MIPOL1: variants seen among roughly 807,000 people sequenced by gnomAD.
MIPOL1 encodes mirror-image polydactyly 1.
A neutral mutation model predicts 60.9 loss-of-function variants in MIPOL1; 57 were observed. The ratio of observed to expected loss-of-function variants is 0.94; its 90% CI spans 0.76 to 1.17. The LOEUF (loss-of-function observed/expected upper bound fraction) is 1.17. Among genes scored for constraint, MIPOL1 ranks in the 50% most tolerant of loss-of-function variants. The pLI, the probability that MIPOL1 is intolerant of heterozygous loss-of-function variation, is 0.00. For missense variants in MIPOL1, 551 were observed against 511.6 expected, an observed-to-expected ratio of 1.08 and a Z score of -0.74; for synonymous variants, 179 against 168.8, an observed-to-expected ratio of 1.06 and a Z score of -0.47.
chr14:37,197,937 A>C lies in MIPOL1; in HGVS notation c.-366A>C, dbSNP rs1313903181. The stretch of plus-strand genomic sequence containing the variant: ...CCCCTGCGGCGCGCCGCCGCCCCGT[A>C]GGCCCCACGCGCCGCCCCGCTCCTC... On this transcript the variant is annotated 5_prime_UTR_variant, in exon 1 of 13. Coordinates refer to ENST00000684589, the MANE Select transcript of MIPOL1 (RefSeq NM_001388067.1). 6.6e-6 allele frequency: 1 copy of C among 151,926 alleles called. No individual in the cohort carries two copies. Among genetic ancestry groups the C allele is most frequent in the Non-Finnish European group, 1.5e-5 (1 of 68,044 alleles). 9.4% of individuals were successfully genotyped at this position (151,926 alleles called of 1,614,324 possible). A position where few individuals can be genotyped will look rare whatever the true frequency, so the allele number is the denominator to read the frequency against.
chr14:37,314,856 G>C (rs1008811613), intron 9 of MIPOL1, among the ~76,000 whole-genome samples: 5 of 152,084 alleles, frequency 3.3e-5, no homozygotes, highest in Non-Finnish European at 5.9e-5. Flanking sequence ...GATATTTCAA[G>C]ATACATGAAA....
At chr14:37,422,411 A>ATTTAGAATT (rs1438457423) in intron 10 of MIPOL1, among the ~76,000 whole-genome samples, 7 of 151,968 alleles carry the variant, frequency 4.6e-5, no homozygotes, top group African/African-American at 1.7e-4. Context: ...TTGACAACAT[A>ATTTAGAATT]TTTAGAATTT....
intron 1 of MIPOL1, among the ~76,000 whole-genome samples, chr14:37,203,623 A>G (rs1188199060): frequency 6.6e-6 from 1 of 152,150 alleles, no homozygotes; most frequent in Non-Finnish European, 1.5e-5. Flanking sequence ...TACAAAATCT[A>G]TGACTTCCCT....
chr14:37,433,092 G>A (rs959324477), intron 11 of MIPOL1, among the ~76,000 whole-genome samples: 18 of 152,142 alleles, frequency 1.2e-4, no homozygotes, highest in East Asian at 1.9e-4. Context: ...TCAGGGTCTC[G>A]CTCTGTTTCC....
chr14:37,404,580 A>G (rs1050095493), intron 10 of MIPOL1, among the ~76,000 whole-genome samples: 16 of 152,318 alleles, frequency 1.1e-4, no homozygotes, highest in African/African-American at 3.4e-4. Flanking sequence ...TTCTCCAGAA[A>G]TTGCATAATG....
chr14:37,364,739 G>T (rs1432022107), intron 9 of MIPOL1, among the ~76,000 whole-genome samples: 1 of 152,224 alleles, frequency 6.6e-6, no homozygotes, highest in East Asian at 1.9e-4. Flanking sequence ...TTTTGGGATT[G>T]TTTTTTCTAT....
chr14:37,328,701 G>A (rs1407056647), intron 9 of MIPOL1, among the ~76,000 whole-genome samples: 2 of 152,252 alleles, frequency 1.3e-5, no homozygotes, highest in East Asian at 3.9e-4. Context: ...ACTTTGAGGA[G>A]CACTGCTCTA....
At chr14:37,503,173 A>G (rs1416165086) in intron 12 of MIPOL1, 2 of 152,330 alleles carry the variant, frequency 1.3e-5, no homozygotes, top group East Asian at 3.9e-4. Context: ...GAATGAAACC[A>G]AGTTGGAGAA....
chr14:37,369,476 C>T (rs1225251475), intron 9 of MIPOL1, 41 bp from the exon 10 acceptor site: 1 of 1,444,360 alleles, frequency 6.9e-7, no homozygotes. Context: ...AAAAAAAATG[C>T]TATAACTCCT....
intron 11 of MIPOL1, among the ~76,000 whole-genome samples, chr14:37,425,764 G>T (rs574429083): frequency 6.6e-6 from 1 of 152,112 alleles, no homozygotes; most frequent in South Asian, 2.1e-4. Context: ...TGAAACCAAA[G>T]AAGATTTCCC....
At chr14:37,531,858 G>A (rs997067517) in intron 12 of MIPOL1, among the ~76,000 whole-genome samples, 1 of 152,040 alleles carries the variant, frequency 6.6e-6, no homozygotes, top group Non-Finnish European at 1.5e-5. Context: ...GGGGAGAGAA[G>A]GGGACCTATA....
intron 1 of MIPOL1, among the ~76,000 whole-genome samples, chr14:37,204,589 A>G (rs1454939110): frequency 6.6e-6 from 1 of 152,118 alleles, no homozygotes; most frequent in East Asian, 1.9e-4. Flanking sequence ...TGCTGCCGCC[A>G]TGTGAGATGT....
intron 9 of MIPOL1, among the ~76,000 whole-genome samples, chr14:37,331,295 T>C (rs2089659972): frequency 6.6e-6 from 1 of 152,148 alleles, no homozygotes; most frequent in Non-Finnish European, 1.5e-5. Flanking sequence ...CTGTGAAGAA[T>C]GTCATTGGTG....
chr14:37,410,563 G>C (rs1278879326), intron 10 of MIPOL1, among the ~76,000 whole-genome samples: 1 of 152,036 alleles, frequency 6.6e-6, no homozygotes, highest in African/African-American at 2.4e-5. Flanking sequence ...TCCCAACCAG[G>C]AAGGAATCGG....
intron 5 of MIPOL1, among the ~76,000 whole-genome samples, chr14:37,269,336 A>G (rs2083112608): frequency 6.6e-6 from 1 of 151,966 alleles, no homozygotes; most frequent in African/African-American, 2.4e-5. Context: ...AGTTATAGTC[A>G]TGTGATCATT....
chr14:37,483,663 T>C (rs1053931279), intron 11 of MIPOL1, among the ~76,000 whole-genome samples: 1 of 151,870 alleles, frequency 6.6e-6, no homozygotes, highest in Admixed American at 6.6e-5. Flanking sequence ...AAGGGCAGAG[T>C]CTTGCTCTGT....
At chr14:37,345,078 T>G (rs894890715) in intron 9 of MIPOL1, among the ~76,000 whole-genome samples, 2 of 152,060 alleles carry the variant, frequency 1.3e-5, no homozygotes, top group Admixed American at 6.6e-5. Context: ...TCCTCCAACA[T>G]TAACAATTTG....
intron 1 of MIPOL1, among the ~76,000 whole-genome samples, chr14:37,209,544 C>T (rs966103328): frequency 6.6e-6 from 1 of 152,210 alleles, no homozygotes; most frequent in African/African-American, 2.4e-5. Context: ...CCTGTAATCC[C>T]AGCTACTCAG....
At chr14:37,316,140 T>A (rs919559782) in intron 9 of MIPOL1, among the ~76,000 whole-genome samples, 12 of 151,964 alleles carry the variant, frequency 7.9e-5, no homozygotes, top group African/African-American at 2.9e-4. Flanking sequence ...AATTCTCTTG[T>A]CTCAGCCTCT....
Sources: allele counts gnomAD v4.1 joint callset (sites outside exome capture counted in the v4.1 genomes callset), GRCh38; gene constraint gnomAD v4.1.1; transcripts MANE v1.5; gene names NCBI Gene and HGNC (gene_info 2026-07-23, HGNC 2026-07-21).